NDUFA10: variants seen among roughly 807,000 people sequenced by gnomAD.
NDUFA10 encodes the protein NADH:ubiquinone oxidoreductase subunit A10, also known as NADH dehydrogenase [ubiquinone] 1 alpha subcomplex subunit 10, mitochondrial.
In NDUFA10, 40 loss-of-function variants were observed where a neutral mutation model predicts 47.8. The observed-to-expected ratio is 0.84, with a 90% CI of 0.65 to 1.09. NDUFA10 has a LOEUF of 1.09. Among genes scored for constraint, NDUFA10 ranks in the 50% least tolerant of loss-of-function variants. The probability of loss-of-function intolerance (pLI) is 0.00; values close to 1 mark genes in which losing one functional copy is unlikely to be tolerated. For synonymous variants in NDUFA10, 183 were observed against 172.2 expected, an observed-to-expected ratio of 1.06 and a Z score of -0.49; for missense variants, 413 against 451.1, an observed-to-expected ratio of 0.92 and a Z score of 0.76.
chr2:239,985,236 T>C (rs1293103629), intron 9 of NDUFA10, among the ~76,000 whole-genome samples: 1 of 152,146 alleles, frequency 6.6e-6, no homozygotes, highest in Non-Finnish European at 1.5e-5. Context: ...ACTGCAATTA[T>C]CAGATAATTC....
At chr2:239,935,714 A>G (rs1300365158) in intron 4 of NDUFA10, among the ~76,000 whole-genome samples, 3 of 152,200 alleles carry the variant, frequency 2.0e-5, no homozygotes, top group Non-Finnish European at 4.4e-5. Flanking sequence ...TTCTCATGGT[A>G]GGGAGTAAGT....
At chr2:240,018,757 C>A in intron 3 of NDUFA10, 118 bp from the exon 4 acceptor site, 1 of 1,120,656 alleles carries the variant, frequency 8.9e-7, no homozygotes, top group Non-Finnish European at 1.3e-6. Flanking sequence ...ATTTCCACAC[C>A]AAAATACTGA....
At chr2:240,022,461 C>T in intron 1 of NDUFA10, 121 bp from the exon 2 acceptor site, 1 of 1,394,644 alleles carries the variant, frequency 7.2e-7, no homozygotes. Flanking sequence ...ACATCTACAT[C>T]TTTATTGCCT....
intron 4 of NDUFA10, among the ~76,000 whole-genome samples, chr2:239,916,982 C>T (rs1574777239): frequency 6.6e-6 from 1 of 152,218 alleles, no homozygotes; most frequent in South Asian, 2.1e-4. Flanking sequence ...AGACATGAAA[C>T]ACTGTGGACA....
rs540650454 is a variant in NDUFA10 at position 240,016,412 on chromosome 2, A to G, written c.548-1552T>C. On this transcript the variant is annotated intron_variant, in intron 4 of 9. Coordinates refer to ENST00000252711, the MANE Select transcript of NDUFA10 (RefSeq NM_004544.4). This position sits in a 1 kb window ranked among gnomAD's most constrained non-coding sequence, Gnocchi z 4.4. Reference sequence around the variant, plus strand: ...CACCCTTACTCCTGTCAGTACACCCACTTCTCAGGTGGTCCCCACCTTGCT... The same window carrying G: ...CACCCTTACTCCTGTCAGTACACCCGCTTCTCAGGTGGTCCCCACCTTGCT... Among the ~76,000 whole-genome samples, 10 of 150,994 alleles carry G rather than the reference A, an allele frequency of 6.6e-5. No homozygotes were observed. In the South Asian group the frequency reaches 2.1e-3, roughly 32 times the overall value.
In NDUFA10 at chr2:239,945,071, C is replaced by G. The variant is rs1216812410; in HGVS notation, c.294+45003G>C. ...AGAATTCCATGGTTTTGGTAGCAGA[C>G]TCCCAGGCAAGCCTCCCTGCCTCTC... is the stretch of plus-strand genomic sequence containing the variant. On this transcript the variant is annotated intron_variant, in intron 4 of 5. Coordinates refer to the NDUFA10 transcript ENST00000419408. This position sits in a 1 kb window ranked among gnomAD's most constrained non-coding sequence, Gnocchi z 4.6. Among the ~76,000 whole-genome samples the G allele has an allele frequency of 6.6e-6, 1 of 152,068 alleles. No individual in the cohort carries two copies. The highest frequency in any genetic ancestry group is 1.9e-4 in the East Asian group (1 of 5,160).
chr2:239,998,652 G>A (rs1696581784), intron 8 of NDUFA10, among the ~76,000 whole-genome samples: 1 of 152,200 alleles, frequency 6.6e-6, no homozygotes, highest in South Asian at 2.1e-4. Context: ...CTGGGAGTCT[G>A]GAACCTGAGT....
chr2:240,003,111 A>G (rs531691404), intron 8 of NDUFA10, among the ~76,000 whole-genome samples: 1 of 152,246 alleles, frequency 6.6e-6, no homozygotes, highest in African/African-American at 2.4e-5. Context: ...GAGCTTCCCA[A>G]CGTGCTGGGT....
intron 5 of NDUFA10, 99 bp from the exon 6 acceptor site, chr2:240,011,795 T>G (rs1697155728): frequency 9.6e-7 from 1 of 1,046,656 alleles, no homozygotes; most frequent in African/African-American, 1.6e-5. Context: ...GACCACCATT[T>G]TCTTACAACT....
intron 4 of NDUFA10, among the ~76,000 whole-genome samples, chr2:239,943,716 G>A (rs990366455): frequency 9.2e-5 from 14 of 152,076 alleles, no homozygotes; most frequent in Non-Finnish European, 1.6e-4. Flanking sequence ...ACTCAGCACC[G>A]ACCGCCCCTC....
intron 9 of NDUFA10, 77 bp from the exon 10 acceptor site, chr2:239,961,263 C>T: frequency 3.7e-6 from 6 of 1,607,164 alleles, no homozygotes; most frequent in Non-Finnish European, 4.3e-6. Flanking sequence ...CAATGTCTAC[C>T]CGGCAGATGC....
intron 4 of NDUFA10, among the ~76,000 whole-genome samples, chr2:239,908,979 G>A (rs561233543): frequency 2.4e-4 from 36 of 152,306 alleles, no homozygotes; most frequent in African/African-American, 8.4e-4. Flanking sequence ...ACTCGAAGGT[G>A]TGGTCTGAGC....
chr2:239,954,013 GA>G (rs1193952637), downstream of NDUFA10, among the ~76,000 whole-genome samples: 1 of 152,174 alleles, frequency 6.6e-6, no homozygotes, highest in Non-Finnish European at 1.5e-5. Context: ...CGGGACCGCT[GA>G]GTGACCACCC....
intron 4 of NDUFA10, among the ~76,000 whole-genome samples, chr2:239,915,267 CAG>C (rs1574775434): frequency 6.6e-6 from 1 of 150,396 alleles, no homozygotes; most frequent in Non-Finnish European, 1.5e-5. Flanking sequence ...CACACACATA[CAG>C]ACACACACAA....
chr2:239,950,463 C>T (rs1309985747), intron 4 of NDUFA10, among the ~76,000 whole-genome samples: 1 of 152,248 alleles, frequency 6.6e-6, no homozygotes, highest in African/African-American at 2.4e-5. Flanking sequence ...ACGGTTCCTC[C>T]TTGCTCCCCG....
chr2:239,910,783 C>A (rs1693739605), intron 4 of NDUFA10, among the ~76,000 whole-genome samples: 1 of 152,192 alleles, frequency 6.6e-6, no homozygotes, highest in Non-Finnish European at 1.5e-5. Flanking sequence ...GCTTGAGAGA[C>A]AAATGTTGAT....
intron 6 of NDUFA10, among the ~76,000 whole-genome samples, chr2:240,008,852 CT>C (rs1356427412): frequency 6.6e-6 from 1 of 152,226 alleles, no homozygotes; most frequent in African/African-American, 2.4e-5. Flanking sequence ...CATTTTCTAT[CT>C]TCTGTGCGCC....
chr2:239,995,463 A>G (rs1696435252), intron 8 of NDUFA10, among the ~76,000 whole-genome samples: 1 of 152,190 alleles, frequency 6.6e-6, no homozygotes, highest in Non-Finnish European at 1.5e-5. Context: ...TTAAAGTACA[A>G]TCAAGATGTT....
At position 240,016,806 on chromosome 2, in the gene NDUFA10, C is replaced by T. The variant is rs1697367127; in HGVS notation, c.547+1747G>A. Among the ~76,000 whole-genome samples, 1 of 152,180 alleles carries T rather than the reference C, an allele frequency of 6.6e-6. No homozygotes were observed. On this transcript the variant is annotated intron_variant, in intron 4 of 9. Transcript: ENST00000252711. The surrounding 1 kb of genome is among the most constrained non-coding windows in gnomAD (Gnocchi z 4.4). ...CCAGCCCAGGCCAGTCCTCAGACTT[C>T]AGCAGACACTCAGCAGATGCCGACA... is the stretch of plus-strand genomic sequence containing the variant.
Sources: allele counts gnomAD v4.1 joint callset (sites outside exome capture counted in the v4.1 genomes callset), GRCh38; gene constraint gnomAD v4.1.1; non-coding constraint Gnocchi (gnomAD v3.1); transcripts MANE v1.5; gene names NCBI Gene and HGNC (gene_info 2026-07-23, HGNC 2026-07-21).